TAFA1: variants seen among roughly 807,000 people sequenced by gnomAD.
The protein encoded by TAFA1 is TAFA chemokine like family member 1.
In TAFA1, 4 loss-of-function variants were observed where a neutral mutation model predicts 18.5. The observed-to-expected ratio is 0.22, with a 90% confidence interval of 0.11 to 0.49. TAFA1 has a LOEUF of 0.49. Among genes scored for constraint, TAFA1 ranks in the 20% least tolerant of loss-of-function variants. The pLI is 0.98. For missense variants in TAFA1, 147 were observed against 169.0 expected (o/e 0.87, Z 0.72); for synonymous variants, 56 against 55.2 (o/e 1.01, Z -0.06).
At chr3:68,111,051 G>T (rs1003196955) in intron 2 of TAFA1, among the ~76,000 whole-genome samples, 1 of 152,194 alleles carries the variant, frequency 6.6e-6, no homozygotes, top group African/African-American at 2.4e-5. Flanking sequence ...TGAGCTGCTA[G>T]GGCATAGCTG....
At chr3:68,262,566 G>T (rs1357400499) in intron 2 of TAFA1, among the ~76,000 whole-genome samples, 2 of 151,720 alleles carry the variant, frequency 1.3e-5, no homozygotes, top group African/African-American at 4.8e-5. Flanking sequence ...AATTTGCTTG[G>T]AATAATGGCC....
chr3:68,007,872 T>G (rs1704391993), intron 2 of TAFA1, among the ~76,000 whole-genome samples: 2 of 152,154 alleles, frequency 1.3e-5, no homozygotes, highest in African/African-American at 4.8e-5. Flanking sequence ...AGCAATACCT[T>G]CCGGGGCCCC....
At position 68,461,762 on chromosome 3, in the gene TAFA1, C is replaced by G. The variant is rs181340912; in HGVS notation, c.259+44342C>G. On this transcript the variant is annotated intron_variant, in intron 3 of 4. Coordinates refer to ENST00000478136, the MANE Select transcript of TAFA1 (RefSeq NM_213609.4). Reference sequence around the variant, plus strand: ...CAATTCTGGCTGCTCTGTCCTAGGACTCAGGACAAGACCATAGACATGTCC... The same window carrying G: ...CAATTCTGGCTGCTCTGTCCTAGGAGTCAGGACAAGACCATAGACATGTCC... Among the ~76,000 whole-genome samples, 9 of 151,996 alleles carry G rather than the reference C, an allele frequency of 5.9e-5. No homozygotes were observed. The South Asian group carries it at 6.2e-4, about 11-fold the overall frequency.
At chr3:68,043,256 C>T (rs1462487494) in intron 2 of TAFA1, among the ~76,000 whole-genome samples, 1 of 152,146 alleles carries the variant, frequency 6.6e-6, no homozygotes. Context: ...TTGCCTTTTG[C>T]TTCACTCTTT....
In TAFA1 at chr3:68,458,436, A is replaced by G. The variant is rs539359986; in HGVS notation, c.259+41016A>G. On this transcript the variant is annotated intron_variant, in intron 3 of 4. Coordinates refer to ENST00000478136, the MANE Select transcript of TAFA1 (RefSeq NM_213609.4). The stretch of plus-strand genomic sequence containing the variant: ...ACAGGAGCATTTTATGAATTAGTAC[A>G]TGGACATTTGATAAGCCAGAATTGC... 9.1e-4 allele frequency among the ~76,000 whole-genome samples: 139 copies of G among 152,332 alleles called. 1 individual carries two copies. In the South Asian group the frequency reaches 0.011, roughly 12 times the overall value.
chr3:68,479,946 A>G (rs2072199024), intron 3 of TAFA1, among the ~76,000 whole-genome samples: 1 of 152,104 alleles, frequency 6.6e-6, no homozygotes, highest in Admixed American at 6.6e-5. Flanking sequence ...CAGCTGTGAC[A>G]TTAGCTAACA....
chr3:68,017,824 G>T (rs935477502), intron 2 of TAFA1, among the ~76,000 whole-genome samples: 1 of 152,186 alleles, frequency 6.6e-6, no homozygotes, highest in Non-Finnish European at 1.5e-5. Context: ...AAGATGCAAA[G>T]CTGCTTGTGT....
Position 68,113,646 on chromosome 3 carries a change from A to C in TAFA1, c.118+106902A>C, listed in dbSNP as rs143323192. Among the ~76,000 whole-genome samples, 42 of 152,324 alleles carry C rather than the reference A, an allele frequency of 2.8e-4. No homozygotes were observed. In the East Asian group the frequency reaches 7.7e-3, roughly 28 times the overall value. On this transcript the variant is annotated intron_variant, in intron 2 of 4. Transcript: ENST00000478136. ...GGAAGAAGAAATATGAAATGAAAATAATCATCAAAAGGTTTGTATAAAGAC... is the reference window on the plus strand; with the variant it reads ...GGAAGAAGAAATATGAAATGAAAATCATCATCAAAAGGTTTGTATAAAGAC...
At chr3:68,209,665 T>A (rs575526033) in intron 2 of TAFA1, among the ~76,000 whole-genome samples, 1 of 152,168 alleles carries the variant, frequency 6.6e-6, no homozygotes, top group South Asian at 2.1e-4. Context: ...GTCATAGGTT[T>A]TGCTTTTTTA....
chr3:68,494,250 C>T (rs956236627), intron 3 of TAFA1, among the ~76,000 whole-genome samples: 2 of 152,128 alleles, frequency 1.3e-5, no homozygotes, highest in Non-Finnish European at 2.9e-5. Flanking sequence ...TACAGGTGCA[C>T]ATCACCACAC....
At chr3:68,268,469 C>A (rs1418561884) in intron 2 of TAFA1, among the ~76,000 whole-genome samples, 1 of 151,940 alleles carries the variant, frequency 6.6e-6, no homozygotes, top group African/African-American at 2.4e-5. Context: ...ATATTAGAGT[C>A]CTTGAGATAT....
chr3:68,081,690 G>A (rs939539622), intron 2 of TAFA1, among the ~76,000 whole-genome samples: 37 of 152,288 alleles, frequency 2.4e-4, no homozygotes, highest in African/African-American at 8.2e-4. Flanking sequence ...CCAGCTGCGT[G>A]CTGGGAGAAC....
At chr3:68,348,116 C>A (rs1469304289) in intron 2 of TAFA1, among the ~76,000 whole-genome samples, 1 of 152,100 alleles carries the variant, frequency 6.6e-6, no homozygotes, top group Non-Finnish European at 1.5e-5. Context: ...AAGTGCCACC[C>A]ACGGGAGCTT....
At chr3:68,328,183 A>G (rs1316691566) in intron 2 of TAFA1, among the ~76,000 whole-genome samples, 3 of 152,106 alleles carry the variant, frequency 2.0e-5, no homozygotes, top group African/African-American at 7.2e-5. Context: ...TATTTTCTAC[A>G]TGCCTGGTTT....
At chr3:68,403,603 C>A (rs1051070283) in intron 2 of TAFA1, among the ~76,000 whole-genome samples, 3 of 152,190 alleles carry the variant, frequency 2.0e-5, no homozygotes, top group Non-Finnish European at 2.9e-5. Flanking sequence ...GTTTCAATTT[C>A]CATAAATATT....
chr3:68,138,823 T>A (rs1233456664), intron 2 of TAFA1, among the ~76,000 whole-genome samples: 1 of 152,194 alleles, frequency 6.6e-6, no homozygotes, highest in Admixed American at 6.5e-5. Context: ...TAGTTGGTTT[T>A]CATAACAGTG....
chr3:68,046,952 C>T (rs951427956), intron 2 of TAFA1, among the ~76,000 whole-genome samples: 1 of 152,156 alleles, frequency 6.6e-6, no homozygotes, highest in South Asian at 2.1e-4. Context: ...CAAGTATGTA[C>T]CTCTTGCATC....
chr3:68,179,631 T>C (rs1422624748), intron 2 of TAFA1, among the ~76,000 whole-genome samples: 1 of 152,240 alleles, frequency 6.6e-6, no homozygotes, highest in Admixed American at 6.5e-5. Flanking sequence ...ACTCCAGCCC[T>C]GGAGAACACT....
At chr3:68,527,821 C>A (rs987272380) in intron 3 of TAFA1, among the ~76,000 whole-genome samples, 1 of 150,954 alleles carries the variant, frequency 6.6e-6, no homozygotes, top group Non-Finnish European at 1.5e-5. Flanking sequence ...AAAAATCTAC[C>A]GACTGAAGGA....
Sources: allele counts gnomAD v4.1 joint callset (sites outside exome capture counted in the v4.1 genomes callset), GRCh38; gene constraint gnomAD v4.1.1; transcripts MANE v1.5; gene names NCBI Gene and HGNC (gene_info 2026-07-23, HGNC 2026-07-21).